Variants in PLEKHG1 observed in about 807,000 individuals in gnomAD.
PLEKHG1 encodes pleckstrin homology and RhoGEF domain containing G1, also known as pleckstrin homology domain-containing family G member 1.
A neutral mutation model predicts 100.8 loss-of-function variants in PLEKHG1; 44 were observed. That is an observed-to-expected ratio of 0.44 (90% CI 0.34 to 0.56). The LOEUF (loss-of-function observed/expected upper bound fraction) is 0.56. PLEKHG1 is among the 20% of genes least tolerant of loss of function. PLEKHG1 has a pLI of 0.01. For missense variants in PLEKHG1, 1,545 were observed against 1,720.9 expected (o/e 0.90, Z 1.81); for synonymous variants, 640 against 662.5 (o/e 0.97, Z 0.52).
At chr6:150,648,564 G>T (rs1228358774) in intron 2 of PLEKHG1, among the ~76,000 whole-genome samples, 2 of 152,102 alleles carry the variant, frequency 1.3e-5, no homozygotes, top group African/African-American at 4.8e-5. Flanking sequence ...TTATGGAGAT[G>T]TGTTGTATAC....
At chr6:150,769,158 A>G (rs1034155885) in intron 3 of PLEKHG1, among the ~76,000 whole-genome samples, 5 of 152,232 alleles carry the variant, frequency 3.3e-5, no homozygotes, top group African/African-American at 9.6e-5. Flanking sequence ...TATTAATTCA[A>G]TTGAATTGAT....
At chr6:150,692,326 A>T (rs1381868396) in intron 3 of PLEKHG1, among the ~76,000 whole-genome samples, 1 of 152,152 alleles carries the variant, frequency 6.6e-6, no homozygotes, top group Admixed American at 6.5e-5. Context: ...AGACTCTTGT[A>T]CTCTTAGTTT....
At chr6:150,769,131 T>C (rs771482217) in intron 3 of PLEKHG1, among the ~76,000 whole-genome samples, 1 of 152,218 alleles carries the variant, frequency 6.6e-6, no homozygotes, top group Non-Finnish European at 1.5e-5. Flanking sequence ...ACACAATACA[T>C]ACTTCAAGTC....
intron 2 of PLEKHG1, among the ~76,000 whole-genome samples, chr6:150,763,537 T>C (rs1425538754): frequency 6.6e-6 from 1 of 152,148 alleles, no homozygotes; most frequent in Non-Finnish European, 1.5e-5. Flanking sequence ...CCCCCAGAGA[T>C]GCCTTTCAAC....
intron 3 of PLEKHG1, among the ~76,000 whole-genome samples, chr6:150,655,924 A>T (rs1277597326): frequency 6.6e-6 from 1 of 151,906 alleles, no homozygotes; most frequent in African/African-American, 2.4e-5. Flanking sequence ...AGGGAGGGGA[A>T]CATCACACAC....
At chr6:150,824,932 G>A (rs1205270956) in intron 14 of PLEKHG1, among the ~76,000 whole-genome samples, 1 of 152,004 alleles carries the variant, frequency 6.6e-6, no homozygotes, top group East Asian at 1.9e-4. Context: ...CTTATTAATT[G>A]GTTCATTGTC....
intron 2 of PLEKHG1, among the ~76,000 whole-genome samples, chr6:150,744,026 G>A (rs1290823459): frequency 6.6e-6 from 1 of 152,118 alleles, no homozygotes. Context: ...AAAACTGAAT[G>A]CCCTCCCTTG....
exon 16 of PLEKHG1, chr6:150,840,986 A>G (rs780947069): frequency 2.0e-6 from 2 of 1,012,186 alleles, no homozygotes; most frequent in Non-Finnish European, 3.1e-6. Context: ...ATACCAGATT[A>G]AAACAATTTT....
chr6:150,697,846 G>T (rs1021779235), intron 3 of PLEKHG1, among the ~76,000 whole-genome samples: 1 of 152,130 alleles, frequency 6.6e-6, no homozygotes, highest in Admixed American at 6.5e-5. Flanking sequence ...GCTTAAGAAA[G>T]TGATTCTGGT....
chr6:150,831,362 C>T lies in PLEKHG1; in HGVS notation c.2251C>T (p.Pro751Ser), dbSNP rs1776918348. 1.2e-6 allele frequency: 2 copies of T among 1,614,096 alleles called. No homozygotes were observed. The highest frequency in any genetic ancestry group is 1.7e-6 in the Non-Finnish European group (2 of 1,180,016). ...TGACACCATAGGGCTCCCAGATCCTCCGTCGCTGGGTTTTAAGTGCAGCAG... is the reference window on the plus strand; with the variant it reads ...TGACACCATAGGGCTCCCAGATCCTTCGTCGCTGGGTTTTAAGTGCAGCAG... The change falls in exon 15 of 16, where the codon CCG becomes TCG. Residue 751 changes from proline (P) to serine (S), a missense_variant. Pro to Ser is a moderately conservative substitution (Grantham distance 74). Coordinates refer to ENST00000358517, the Ensembl canonical transcript of PLEKHG1. This position sits in a 1 kb window ranked among gnomAD's most constrained non-coding sequence, Gnocchi z 4.1.
intron 1 of PLEKHG1, among the ~76,000 whole-genome samples, chr6:150,619,950 C>T (rs1777225391): frequency 6.6e-6 from 1 of 152,100 alleles, no homozygotes; most frequent in Non-Finnish European, 1.5e-5. Flanking sequence ...TGTCTTTTTC[C>T]TAAAAGGTGT....
At chr6:150,732,025 G>A (rs189779314) in intron 1 of PLEKHG1, among the ~76,000 whole-genome samples, 11 of 148,580 alleles carry the variant, frequency 7.4e-5, no homozygotes, top group Non-Finnish European at 1.0e-4. Flanking sequence ...GCAGTGGCGC[G>A]ATCTCGGCTC....
At chr6:150,780,790 T>C (rs535685285) in intron 3 of PLEKHG1, among the ~76,000 whole-genome samples, 7 of 152,184 alleles carry the variant, frequency 4.6e-5, no homozygotes, top group Non-Finnish European at 7.3e-5. Flanking sequence ...GGCCGAAGAT[T>C]CATTTGATGA....
At chr6:150,828,248 A>T in intron 14 of PLEKHG1, 1 of 1,613,660 alleles carries the variant, frequency 6.2e-7, no homozygotes, top group Non-Finnish European at 8.5e-7. Context: ...GATGAGTTGG[A>T]ATGGAAACTG....
chr6:150,777,743 C>CAT (rs10641229), intron 3 of PLEKHG1, among the ~76,000 whole-genome samples: 46,838 of 136,212 alleles, frequency 0.34, 9,845 homozygotes, highest in African/African-American at 0.62. Context: ...TCCTGGTGCA[C>CAT]GTGTGGTTGC....
At chr6:150,685,507 T>C (rs17080108) in intron 3 of PLEKHG1, among the ~76,000 whole-genome samples, 29,489 of 152,064 alleles carry the variant, frequency 0.19, 2,921 homozygotes, top group South Asian at 0.26. Flanking sequence ...GCTGCCCCTC[T>C]GAGATGGTGC....
intron 1 of PLEKHG1, among the ~76,000 whole-genome samples, chr6:150,724,313 G>A (rs970961324): frequency 3.2e-4 from 48 of 152,202 alleles, no homozygotes; most frequent in African/African-American, 1.1e-3. Flanking sequence ...TAAAGGCAGA[G>A]GAGGCTGGGA....
At chr6:150,655,572 G>A (rs1778930566) in intron 3 of PLEKHG1, among the ~76,000 whole-genome samples, 2 of 151,986 alleles carry the variant, frequency 1.3e-5, no homozygotes, top group South Asian at 2.1e-4. Context: ...GCTGGCCATG[G>A]TGGCGGGCGC....
chr6:150,683,231 C>T lies in PLEKHG1; in HGVS notation c.-99+32445C>T, dbSNP rs916448387. 6.6e-6 allele frequency among the ~76,000 whole-genome samples: 1 copy of T among 152,176 alleles called. No individual in the cohort carries two copies. The highest frequency in any genetic ancestry group is 2.1e-4 in the South Asian group (1 of 4,826). ...GAAATTTAGAGAATAGTTGTCAACT[C>T]GTCATGATAGGACATTAGCAACAAA... On this transcript the variant is annotated intron_variant, in intron 3 of 3. Coordinates refer to the PLEKHG1 transcript ENST00000367326. The surrounding 1 kb of genome is among the most constrained non-coding windows in gnomAD (Gnocchi z 4.0).
Sources: gnomAD v4.1 joint callset for allele counts (sites outside exome capture counted in the v4.1 genomes callset) on GRCh38, gnomAD v4.1.1 for gene constraint, Gnocchi (gnomAD v3.1) non-coding constraint, MANE v1.5 for transcripts, NCBI Gene and HGNC (gene_info 2026-07-23, HGNC 2026-07-21) for gene names.